SP3: variants seen among roughly 807,000 people sequenced by gnomAD.
SP3 encodes Sp3 transcription factor, also known as transcription factor Sp3.
Under a neutral mutation model 70.3 loss-of-function variants are expected in SP3, and 10 were observed. The ratio of observed to expected loss-of-function variants is 0.14; its 90% CI spans 0.09 to 0.24. The LOEUF is 0.24. SP3 is among the 10% of genes least tolerant of loss of function. The pLI is 1.00. For synonymous variants in SP3, 402 were observed against 333.5 expected (o/e 1.21, Z -2.24); for missense variants, 825 against 914.6 (o/e 0.90, Z 1.26).
chr2:173,919,277 C>T (rs1000962325), intron 4 of SP3, among the ~76,000 whole-genome samples: 11 of 152,140 alleles, frequency 7.2e-5, no homozygotes, highest in Non-Finnish European at 1.2e-4. Context: ...AAGTGTTATA[C>T]CCAATGTCTA....
chr2:173,914,897 G>A (rs1158012217), intron 5 of SP3: 1 of 152,052 alleles, frequency 6.6e-6, no homozygotes, highest in Non-Finnish European at 1.5e-5. Context: ...AAACAGCAAT[G>A]TTTGTGGCTA....
At chr2:173,951,968 T>C (rs1690721584) in intron 4 of SP3, among the ~76,000 whole-genome samples, 2 of 152,156 alleles carry the variant, frequency 1.3e-5, no homozygotes, top group African/African-American at 4.8e-5. Flanking sequence ...ATCAGAAAAA[T>C]ATTAAGAAGG....
chr2:173,927,946 T>A (rs542962808), intron 4 of SP3, among the ~76,000 whole-genome samples: 77 of 152,338 alleles, frequency 5.1e-4, no homozygotes, highest in Middle Eastern at 6.8e-3. Context: ...ATTTATGGTA[T>A]CAAATAGGCC....
chr2:173,965,397 T>C (rs1574433134), upstream of SP3: 2 of 565,380 alleles, frequency 3.5e-6, no homozygotes, highest in Non-Finnish European at 6.3e-6. Context: ...CTCCCGCCCC[T>C]CTTCTTGGCT....
chr2:173,911,249 A>G (rs1689474235), intron 6 of SP3, among the ~76,000 whole-genome samples: 3 of 151,520 alleles, frequency 2.0e-5, no homozygotes, highest in African/African-American at 7.4e-5. Flanking sequence ...TGCAAGGGTA[A>G]CTTGCAGATG....
chr2:173,918,194 C>G (rs574596248), intron 5 of SP3, among the ~76,000 whole-genome samples: 3 of 152,118 alleles, frequency 2.0e-5, no homozygotes, highest in Admixed American at 6.6e-5. Flanking sequence ...TTTTTCACTT[C>G]TAAGAAAATG....
chr2:173,955,007 G>C lies in SP3; in HGVS notation c.1505C>G (p.Ala502Gly), dbSNP rs1302816661. The C allele has an allele frequency of 6.2e-7, 1 of 1,614,194 alleles. No homozygotes were observed. The highest frequency in any genetic ancestry group is 1.6e-4 in the Middle Eastern group (1 of 6,062). Residue 502 changes from alanine (A) to glycine (G), a missense_variant, in exon 4 of 7, where the codon GCA becomes GGA. Physicochemically the swap from Ala to Gly is moderately conservative, Grantham distance 60. Around this residue, in one of 4 missense-constraint regions of SP3, gnomAD observed 678 missense variants for 651.6 expected, o/e 1.04. Coordinates refer to ENST00000310015, the MANE Select transcript of SP3 (RefSeq NM_003111.5). ...TGGAGTTGAAGTGAAGGCTCCACCT[G>C]CCGCAACTTGACCAAGTGTGAGGGT... ...VQTLTLGQVA[A>G]GGAFTSTPVS...
Position 173,910,187 on chromosome 2 carries a change from A to G in SP3, c.2100T>C (p.Ile700=), listed in dbSNP as rs780355136. Residue 700 remains isoleucine (I), a synonymous_variant, in exon 7 of 7, where the codon ATT becomes ATC. Transcript: ENST00000310015. ...TACCTTTTTTATTCTGGTGTGTTTT[A>G]ATATGTTTGGCAAGGTGGTCACTTC... ...FMRSDHLAKH[I]KTHQNKKGIH... 5.0e-6 allele frequency: 8 copies of G among 1,614,026 alleles called. No homozygotes were observed. In the South Asian group the frequency reaches 7.7e-5, roughly 16 times the overall value.
chr2:173,905,028 G>GAAAA lies in SP3; in HGVS notation c.*4909_*4912dup, dbSNP rs1293433409. 6.6e-6 allele frequency among the ~76,000 whole-genome samples: 1 copy of GAAAA among 152,176 alleles called. No individual in the cohort carries two copies. The highest frequency in any genetic ancestry group is 2.4e-5 in the African/African-American group (1 of 41,442). ...TTACACAGGGGTGTAATTTCCTCAA[G>GAAAA]AAAATACACATTTAGGTGCTTCAGT... On this transcript the variant is annotated 3_prime_UTR_variant, in exon 7 of 7. Coordinates refer to ENST00000310015, the MANE Select transcript of SP3 (RefSeq NM_003111.5).
Position 173,907,914 on chromosome 2 carries a change from T to G in SP3, c.*2027A>C, listed in dbSNP as rs1205507839. ...TAGAAAAACTGTCCATGTTTATGCG[T>G]GTCTAGAGTTCTCCAATGCAATCAG... On this transcript the variant is annotated 3_prime_UTR_variant, in exon 7 of 7. Transcript: ENST00000310015. 2.0e-5 allele frequency: 3 copies of G among 152,122 alleles called. No homozygotes were observed. The highest frequency in any genetic ancestry group is 7.2e-5 in the African/African-American group (3 of 41,448). The allele number at this position is 152,122 out of a possible 1,614,324, so 9.4% of individuals were successfully genotyped here.
At chr2:173,954,672 C>CTT (rs1690820819) in intron 4 of SP3, among the ~76,000 whole-genome samples, 1 of 152,070 alleles carries the variant, frequency 6.6e-6, no homozygotes, top group Non-Finnish European at 1.5e-5. Context: ...AAACATGAAT[C>CTT]CCTAACTTCA....
At chr2:173,937,775 C>A (rs1381982939) in intron 4 of SP3, among the ~76,000 whole-genome samples, 1 of 152,104 alleles carries the variant, frequency 6.6e-6, no homozygotes, top group East Asian at 1.9e-4. Context: ...GTACCCAACA[C>A]CCAAATTCCA....
chr2:173,906,581 A>C lies in SP3; in HGVS notation c.*3360T>G, dbSNP rs377642069. ...AACAGGTAGCATAACATGTCAGTTT[A>C]TATTATTTTAAAACCAAATGTTATT... On this transcript the variant is annotated 3_prime_UTR_variant, in exon 7 of 7. Transcript: ENST00000310015. 6.6e-6 allele frequency: 1 copy of C among 152,238 alleles called. No individual in the cohort carries two copies. Among genetic ancestry groups the C allele is most frequent in the Non-Finnish European group, 1.5e-5 (1 of 68,040 alleles). The allele number at this position is 152,238 out of a possible 1,614,324, so 9.4% of individuals were successfully genotyped here.
chr2:173,949,652 T>C lies in SP3; in HGVS notation c.1639+5221A>G, dbSNP rs371417148. 1.7e-4 allele frequency among the ~76,000 whole-genome samples: 26 copies of C among 152,296 alleles called. No homozygotes were observed. The South Asian group carries it at 1.9e-3, about 11-fold the overall frequency. On this transcript the variant is annotated intron_variant, in intron 4 of 6. Coordinates refer to ENST00000310015, the MANE Select transcript of SP3 (RefSeq NM_003111.5). ...CCTCTTTCGCCTGTCAATCTTTAAA[T>C]ACTTAAATATTAAGTTAAAAAAGCC...
chr2:173,960,271 A>G (rs1691025067), intron 3 of SP3, among the ~76,000 whole-genome samples: 1 of 152,264 alleles, frequency 6.6e-6, no homozygotes, highest in Non-Finnish European at 1.5e-5. Flanking sequence ...ATACCGGTGG[A>G]AACGGAAAAA....
At position 173,902,709 on chromosome 2, in the gene SP3, T is replaced by C. The variant is rs1234347561; in HGVS notation, c.*7232A>G. On this transcript the variant is annotated 3_prime_UTR_variant, in exon 7 of 7. Coordinates refer to ENST00000310015, the MANE Select transcript of SP3 (RefSeq NM_003111.5). ...AGTGGTAAAACAAGTCCCAGAAGGT[T>C]TTGTACAGAATGATACCATTTATAT... 6.6e-6 allele frequency among the ~76,000 whole-genome samples: 1 copy of C among 152,214 alleles called. No homozygotes were observed. The highest frequency in any genetic ancestry group is 1.5e-5 in the Non-Finnish European group (1 of 68,042).
At position 173,902,575 on chromosome 2, in the gene SP3, CTCA is replaced by C. The variant is rs369686856; in HGVS notation, c.*7363_*7365del. On this transcript the variant is annotated 3_prime_UTR_variant, in exon 7 of 7. Coordinates refer to ENST00000310015, the MANE Select transcript of SP3 (RefSeq NM_003111.5). ...TCAAAAATTGGAAATAACTGAGATG[CTCA>C]TCAAGAAGAAAATGGATACATTGTG... 3.0e-4 allele frequency among the ~76,000 whole-genome samples: 46 copies of C among 152,226 alleles called. No homozygotes were observed. The East Asian group carries it at 8.1e-3, about 27-fold the overall frequency.
intron 4 of SP3, among the ~76,000 whole-genome samples, chr2:173,939,830 A>AT (rs1292673693): frequency 6.6e-6 from 1 of 151,498 alleles, no homozygotes. Flanking sequence ...AAATGTAAAA[A>AT]TTTTTTTTAA....
chr2:173,939,960 C>G (rs972110020), intron 4 of SP3, among the ~76,000 whole-genome samples: 2 of 152,036 alleles, frequency 1.3e-5, no homozygotes, highest in African/African-American at 4.8e-5. Flanking sequence ...GTAGGCTTGA[C>G]CTCCTGGGTT....
Sources: gnomAD v4.1 joint callset for allele counts (sites outside exome capture counted in the v4.1 genomes callset) on GRCh38, gnomAD v4.1.1 for gene constraint, gnomAD v4.1.1 regional missense constraint, MANE v1.5 for transcripts, NCBI Gene and HGNC (gene_info 2026-07-23, HGNC 2026-07-21) for gene names.